NEK2: variants seen among roughly 807,000 people sequenced by gnomAD.
The protein encoded by NEK2 is serine/threonine-protein kinase Nek2.
NEK2 carries 28 observed loss-of-function variants against 54.1 expected under a neutral mutation model. The observed-to-expected ratio is 0.52, with a 90% confidence interval of 0.38 to 0.71. The LOEUF (loss-of-function observed/expected upper bound fraction) is 0.71. NEK2 is among the 30% of genes least tolerant of loss of function. NEK2 has a pLI of 0.00. For synonymous variants in NEK2, 176 were observed against 193.1 expected, an observed-to-expected ratio of 0.91 and a Z score of 0.73; for missense variants, 407 against 531.5, an observed-to-expected ratio of 0.77 and a Z score of 2.30.
chr1:211,674,725 A>G (rs1655521843), intron 1 of NEK2, among the ~76,000 whole-genome samples: 1 of 152,148 alleles, frequency 6.6e-6, no homozygotes, highest in Non-Finnish European at 1.5e-5. Flanking sequence ...GGGGAGACAA[A>G]CGGGAATGAG....
At position 211,663,205 on chromosome 1, in the gene NEK2, C is replaced by A; in HGVS notation, c.*221G>T. The A allele has an allele frequency of 1.5e-6, 2 of 1,317,372 alleles. No individual in the cohort carries two copies. Among genetic ancestry groups the A allele is most frequent in the Non-Finnish European group, 1.9e-6 (2 of 1,034,506 alleles). The allele number at this position is 1,317,372 out of a possible 1,614,324, so 81.6% of individuals were successfully genotyped here. ...TTAAAAGCCCAACCAAGAAAGTATTCTTTTTATAATATGTTCTTAAAAGAA... is the reference window on the plus strand; with the variant it reads ...TTAAAAGCCCAACCAAGAAAGTATTATTTTTATAATATGTTCTTAAAAGAA... On this transcript the variant is annotated 3_prime_UTR_variant, in exon 8 of 8. Transcript: ENST00000366999.
At chr1:211,660,644 A>G, downstream of NEK2, 2 of 653,234 alleles carry the variant, frequency 3.1e-6, no homozygotes, top group Admixed American at 1.9e-5. Context: ...AGGTAGAAAG[A>G]GTAGAAAACT....
At chr1:211,671,403 A>G in intron 3 of NEK2, 119 bp from the exon 4 acceptor site, 1 of 662,540 alleles carries the variant, frequency 1.5e-6, no homozygotes, top group Non-Finnish European at 2.6e-6. Context: ...TTTTTAGCTT[A>G]TACTTTATCT....
chr1:211,662,668 T>G, downstream of NEK2: 7 of 489,056 alleles, frequency 1.4e-5, no homozygotes, highest in Non-Finnish European at 1.9e-5. The surrounding 1 kb of genome is among the most constrained non-coding windows in gnomAD (Gnocchi z 4.2). Context: ...GCCACTCCCT[T>G]GAGCATCAGA....
chr1:211,660,144 G>C (rs910577012), downstream of NEK2: 3 of 213,288 alleles, frequency 1.4e-5, no homozygotes, highest in African/African-American at 6.9e-5. Context: ...AGGTTACACA[G>C]TAATTTATTG....
In NEK2 at chr1:211,671,186, T is replaced by C. The variant is rs1655375947; in HGVS notation, c.638+16A>G. 2 of 1,593,560 alleles carry C rather than the reference T, an allele frequency of 1.3e-6. No individual in the cohort carries two copies. The highest frequency in any genetic ancestry group is 1.7e-6 in the Non-Finnish European group (2 of 1,162,080). ...GTACAAACCTTAGACTAGGAATCTG[T>C]CTTCATCATACTTACATTAATGCAC... On this transcript the variant is annotated intron_variant, in intron 4 of 7. Coordinates refer to ENST00000366999, the MANE Select transcript of NEK2 (RefSeq NM_002497.4).
In NEK2 at chr1:211,674,454, A is replaced by T. The variant is rs1310977669; in HGVS notation, c.156T>A (p.Leu52=). The T allele has an allele frequency of 6.2e-7, 1 of 1,614,028 alleles. No individual in the cohort carries two copies. Among genetic ancestry groups the T allele is most frequent in the African/African-American group, 1.3e-5 (1 of 74,930 alleles). ...CACGAAGCAAATTCACTTCAGAAACAAGCATCTGTTTCTCAGCTTCTGTCA... is the reference window on the plus strand; with the variant it reads ...CACGAAGCAAATTCACTTCAGAAACTAGCATCTGTTTCTCAGCTTCTGTCA... ...GSMTEAEKQM[L]VSEVNLLREL... The change falls in exon 2 of 8, where the codon CTT becomes CTA. Residue 52 remains leucine (L), a synonymous_variant. Transcript: ENST00000366999.
In NEK2 at chr1:211,670,269, T is replaced by C. The variant is rs1418044152; in HGVS notation, c.765+12A>G. On this transcript the variant is annotated intron_variant, in intron 5 of 7. Coordinates refer to ENST00000366999, the MANE Select transcript of NEK2 (RefSeq NM_002497.4). ...GCTAGAAACAGACAATATATCATCTTATCATCTTTACCTTTAAGTTTAACA... is the reference window on the plus strand; with the variant it reads ...GCTAGAAACAGACAATATATCATCTCATCATCTTTACCTTTAAGTTTAACA... The C allele has an allele frequency of 1.2e-6, 2 of 1,606,204 alleles. No homozygotes were observed. Among genetic ancestry groups the C allele is most frequent in the Non-Finnish European group, 1.7e-6 (2 of 1,175,886 alleles).
At chr1:211,664,519 G>T (rs1655115260) in intron 7 of NEK2, among the ~76,000 whole-genome samples, 1 of 152,108 alleles carries the variant, frequency 6.6e-6, no homozygotes, top group African/African-American at 2.4e-5. Flanking sequence ...TGGAAACAGG[G>T]ACATGCTGGG....
chr1:211,673,488 A>T lies in NEK2; in HGVS notation c.550T>A (p.Ser184Thr). Residue 184 changes from serine (S) to threonine (T), a missense_variant, in exon 3 of 8, where the codon TCT (serine) becomes ACT (threonine). Ser to Thr is a moderately conservative substitution (Grantham distance 58, BLOSUM62 1). Coordinates refer to ENST00000366999, the MANE Select transcript of NEK2 (RefSeq NM_002497.4). ...CTAAATTCTGAAATACTTACAGGAG[A>T]CATGTAATAAGGTGTGCCAACAAAT... Reference protein sequence around the residue: ...KTFVGTPYYMSPEQMNRMSYN... With the variant: ...KTFVGTPYYMTPEQMNRMSYN... The T allele has an allele frequency of 1.9e-6, 3 of 1,613,604 alleles. No individual in the cohort carries two copies. The highest frequency in any genetic ancestry group is 1.7e-6 in the Non-Finnish European group (2 of 1,179,516).
At chr1:211,670,493 A>G (rs1655339840) in intron 4 of NEK2, 86 bp from the exon 5 acceptor site, 17 of 1,413,406 alleles carry the variant, frequency 1.2e-5, no homozygotes, top group African/African-American at 2.9e-5. Context: ...AATCAAAAGC[A>G]CAGCTTAAGC....
chr1:211,674,165 T>C, intron 2 of NEK2, 131 bp downstream of exon 2: 1 of 707,950 alleles, frequency 1.4e-6, no homozygotes, highest in Non-Finnish European at 2.3e-6. Flanking sequence ...CACCAGGAAT[T>C]TTCTAAAGTA....
chr1:211,660,595 C>T (rs1654992244), downstream of NEK2: 2 of 638,584 alleles, frequency 3.1e-6, no homozygotes, highest in Admixed American at 3.8e-5. Context: ...TGCCTTCTCA[C>T]CATCAATGCC....
intron 6 of NEK2, among the ~76,000 whole-genome samples, chr1:211,668,369 A>G (rs1283485559): frequency 1.3e-5 from 2 of 152,254 alleles, no homozygotes; most frequent in Non-Finnish European, 2.9e-5. Flanking sequence ...TGGAGTAGAC[A>G]CACTTTCAAT....
At chr1:211,673,992 T>G (rs1655491342) in intron 2 of NEK2, among the ~76,000 whole-genome samples, 2 of 152,124 alleles carry the variant, frequency 1.3e-5, no homozygotes, top group Non-Finnish European at 2.9e-5. Flanking sequence ...ACCTGGCTAA[T>G]TTTTGTAGAA....
At position 211,663,031 on chromosome 1, in the gene NEK2, C is replaced by A; in HGVS notation, c.*395G>T. On this transcript the variant is annotated 3_prime_UTR_variant, in exon 8 of 8. Transcript: ENST00000366999. ...CTCAGACTTAAAATTTAAATCTAGA[C>A]ATGACAATTGTAAGCATACCACTCA... 7.0e-6 allele frequency: 7 copies of A among 994,226 alleles called. No homozygotes were observed. Among genetic ancestry groups the A allele is most frequent in the Non-Finnish European group, 8.4e-6 (7 of 835,164 alleles). 61.6% of individuals were successfully genotyped at this position (994,226 alleles called of 1,614,324 possible).
chr1:211,662,702 C>A (rs1655050288), downstream of NEK2: 1 of 790,316 alleles, frequency 1.3e-6, no homozygotes. This position sits in a 1 kb window ranked among gnomAD's most constrained non-coding sequence, Gnocchi z 4.2. Context: ...CTGTACCCTA[C>A]AATGAAGACC....
chr1:211,659,214 A>G (rs1654956884), downstream of NEK2, among the ~76,000 whole-genome samples: 1 of 136,706 alleles, frequency 7.3e-6, no homozygotes, highest in Middle Eastern at 3.7e-3. Flanking sequence ...GTGAAAAAAA[A>G]ACATAAAACA....
chr1:211,660,446 C>T, downstream of NEK2: 4 of 705,034 alleles, frequency 5.7e-6, no homozygotes, highest in South Asian at 5.4e-5. Flanking sequence ...CACTGAACCA[C>T]CAGCCAGCTG....
Sources: gnomAD v4.1 joint callset for allele counts (sites outside exome capture counted in the v4.1 genomes callset) on GRCh38, gnomAD v4.1.1 for gene constraint, Gnocchi (gnomAD v3.1) non-coding constraint, MANE v1.5 for transcripts, NCBI Gene and HGNC (gene_info 2026-07-23, HGNC 2026-07-21) for gene names.